NLGN1: variants seen among roughly 807,000 people sequenced by gnomAD.
The protein encoded by NLGN1 is neuroligin 1.
Under a neutral mutation model 65.5 loss-of-function variants are expected in NLGN1, and 12 were observed. The observed-to-expected ratio is 0.18, with a 90% confidence interval of 0.12 to 0.30. The LOEUF is 0.30. NLGN1 is among the 10% of genes least tolerant of loss of function. The pLI, the probability that NLGN1 is intolerant of heterozygous loss-of-function variation, is 1.00. For synonymous variants in NLGN1, 350 were observed against 359.5 expected (o/e 0.97, Z 0.30); for missense variants, 750 against 1,007.1 (o/e 0.74, Z 3.46).
chr3:173,604,033 C>A (rs1750980843), intron 2 of NLGN1, among the ~76,000 whole-genome samples: 1 of 152,066 alleles, frequency 6.6e-6, no homozygotes. Context: ...GTTTCTAAAA[C>A]TGTGTATTTT....
At chr3:173,699,738 G>C (rs770384173) in intron 3 of NLGN1, among the ~76,000 whole-genome samples, 1 of 152,144 alleles carries the variant, frequency 6.6e-6, no homozygotes, top group African/African-American at 2.4e-5. Context: ...AGGTTTAGGG[G>C]GAAGGATGTA....
chr3:173,707,613 G>C (rs1430967050), intron 3 of NLGN1, among the ~76,000 whole-genome samples: 1 of 152,112 alleles, frequency 6.6e-6, no homozygotes, highest in Non-Finnish European at 1.5e-5. Flanking sequence ...TGAATCTTAA[G>C]TAATCGGATG....
chr3:174,263,255 G>C (rs532876325), intron 4 of NLGN1, among the ~76,000 whole-genome samples: 3 of 147,546 alleles, frequency 2.0e-5, no homozygotes, highest in African/African-American at 5.0e-5. Flanking sequence ...TTTCTGTCTC[G>C]TTGATCTGTC....
chr3:173,759,588 A>G (rs888341584), intron 3 of NLGN1, among the ~76,000 whole-genome samples: 5 of 151,960 alleles, frequency 3.3e-5, no homozygotes, highest in Non-Finnish European at 5.9e-5. Context: ...AGGCATTGCA[A>G]TGCTATTGGC....
chr3:173,735,626 A>C (rs1175164101), intron 3 of NLGN1, among the ~76,000 whole-genome samples: 3 of 151,888 alleles, frequency 2.0e-5, no homozygotes, highest in Non-Finnish European at 4.4e-5. Context: ...ATCTGCATAG[A>C]GATAAGTTTG....
At chr3:174,249,491 C>A (rs996278723) in intron 4 of NLGN1, among the ~76,000 whole-genome samples, 1 of 152,182 alleles carries the variant, frequency 6.6e-6, no homozygotes, top group Non-Finnish European at 1.5e-5. Flanking sequence ...CTTCACATTG[C>A]ATGATAAGTG....
chr3:173,997,866 C>G (rs1278470917), intron 4 of NLGN1, among the ~76,000 whole-genome samples: 1 of 152,046 alleles, frequency 6.6e-6, no homozygotes, highest in Non-Finnish European at 1.5e-5. Flanking sequence ...TATTTTGGTT[C>G]TAGTATCTAG....
At chr3:173,676,056 ATC>A (rs1443105950) in intron 3 of NLGN1, among the ~76,000 whole-genome samples, 6 of 152,078 alleles carry the variant, frequency 3.9e-5, no homozygotes, top group Admixed American at 3.3e-4. Context: ...TGTGCAAAGG[ATC>A]TCTCTGTAAT....
At chr3:173,699,763 A>G (rs1231987563) in intron 3 of NLGN1, among the ~76,000 whole-genome samples, 1 of 152,210 alleles carries the variant, frequency 6.6e-6, no homozygotes, top group Admixed American at 6.5e-5. Context: ...GGTATAGGAG[A>G]AGCAGCAGGT....
In NLGN1 at chr3:173,499,517, A is replaced by G. The variant is rs560313587; in HGVS notation, c.-321+64439A>G. 5.9e-5 allele frequency among the ~76,000 whole-genome samples: 9 copies of G among 151,958 alleles called. No individual in the cohort carries two copies. In the South Asian group the frequency reaches 1.9e-3, roughly 31 times the overall value. ...GCCTCCAGCTTTGTTCTTTTGCGTT[A>G]GGATTGACTTGGCAATGCAGGCTCT... On this transcript the variant is annotated intron_variant, in intron 2 of 6. Coordinates refer to ENST00000457714, the Ensembl canonical transcript of NLGN1.
chr3:174,243,195 C>G (rs945742140), intron 4 of NLGN1, among the ~76,000 whole-genome samples: 1 of 152,064 alleles, frequency 6.6e-6, no homozygotes, highest in Admixed American at 6.6e-5. Context: ...TTCTAATACC[C>G]AAAAAGAAAG....
intron 4 of NLGN1, among the ~76,000 whole-genome samples, chr3:173,944,483 G>A (rs1480194730): frequency 6.6e-6 from 1 of 152,134 alleles, no homozygotes; most frequent in Non-Finnish European, 1.5e-5. Context: ...CCCTGGAAAA[G>A]TTGACTGGAT....
chr3:173,702,804 T>G (rs575553712), intron 3 of NLGN1, among the ~76,000 whole-genome samples: 1 of 152,310 alleles, frequency 6.6e-6, no homozygotes, highest in African/African-American at 2.4e-5. Context: ...AAAAGACTCC[T>G]CCGCTTCCCT....
At chr3:173,449,316 A>G (rs1436488505) in intron 2 of NLGN1, among the ~76,000 whole-genome samples, 2 of 151,924 alleles carry the variant, frequency 1.3e-5, no homozygotes, top group African/African-American at 2.4e-5. Flanking sequence ...TCATTTCATT[A>G]TGTACGCAGT....
chr3:173,600,329 A>T (rs1750276671), intron 2 of NLGN1, among the ~76,000 whole-genome samples: 3 of 152,016 alleles, frequency 2.0e-5, no homozygotes, highest in African/African-American at 7.2e-5. Flanking sequence ...TCTATATTGT[A>T]TAGCATTGGT....
intron 2 of NLGN1, among the ~76,000 whole-genome samples, chr3:173,447,380 C>G (rs902891664): frequency 6.6e-6 from 1 of 152,056 alleles, no homozygotes; most frequent in Non-Finnish European, 1.5e-5. Flanking sequence ...GTTGTAGATA[C>G]ATGGCATTAT....
At chr3:173,450,672 C>T (rs1721326456) in intron 2 of NLGN1, among the ~76,000 whole-genome samples, 2 of 152,182 alleles carry the variant, frequency 1.3e-5, no homozygotes, top group Non-Finnish European at 2.9e-5. Context: ...AACTTGGTTC[C>T]ATTCTCCCCG....
chr3:174,085,003 C>T (rs1025000987), intron 4 of NLGN1, among the ~76,000 whole-genome samples: 20 of 151,762 alleles, frequency 1.3e-4, no homozygotes, highest in African/African-American at 4.6e-4. Context: ...ACCAAACTAG[C>T]GAAAATTCTT....
At chr3:173,997,132 G>T (rs1722429098) in intron 4 of NLGN1, among the ~76,000 whole-genome samples, 2 of 151,964 alleles carry the variant, frequency 1.3e-5, no homozygotes, top group South Asian at 4.1e-4. Context: ...ATAGGTCATG[G>T]TCATAAAAAT....
Sources: allele counts gnomAD v4.1 joint callset (sites outside exome capture counted in the v4.1 genomes callset), GRCh38; gene constraint gnomAD v4.1.1; transcripts MANE v1.5; gene names NCBI Gene and HGNC (gene_info 2026-07-23, HGNC 2026-07-21).